Variants in SAMD3 observed in about 807,000 individuals in gnomAD.
SAMD3 encodes sterile alpha motif domain containing 3, also known as sterile alpha motif domain-containing protein 3.
A neutral mutation model predicts 58.5 loss-of-function variants in SAMD3; 63 were observed. The observed-to-expected ratio is 1.08, with a 90% CI of 0.88 to 1.33. The LOEUF (loss-of-function observed/expected upper bound fraction) is 1.33. Among genes scored for constraint, SAMD3 ranks in the 40% most tolerant of loss-of-function variants. SAMD3 has a pLI of 0.00. For synonymous variants in SAMD3, 220 were observed against 210.3 expected, an observed-to-expected ratio of 1.05 and a Z score of -0.40; for missense variants, 604 against 608.4, an observed-to-expected ratio of 0.99 and a Z score of 0.08.
chr6:130,182,531 A>AAAGG (rs1341747092), intron 7 of SAMD3, among the ~76,000 whole-genome samples: 11 of 151,630 alleles, frequency 7.3e-5, no homozygotes, highest in African/African-American at 2.7e-4. Flanking sequence ...AAGAAGGAAG[A>AAAGG]AAGGAAGGAA....
intron 1 of SAMD3, among the ~76,000 whole-genome samples, chr6:130,323,232 C>A (rs1202302669): frequency 5.9e-5 from 9 of 152,096 alleles, no homozygotes; most frequent in Admixed American, 5.9e-4. Context: ...TTGCAAAAAC[C>A]AGGCTCCCTG....
At chr6:130,272,157 T>C (rs1774588751) in intron 2 of SAMD3, among the ~76,000 whole-genome samples, 1 of 152,222 alleles carries the variant, frequency 6.6e-6, no homozygotes, top group Non-Finnish European at 1.5e-5. Context: ...TAAGTTATTT[T>C]TGTGAAAAGA....
At chr6:130,279,298 C>T (rs138155473) in intron 2 of SAMD3, among the ~76,000 whole-genome samples, 146 of 151,914 alleles carry the variant, frequency 9.6e-4, no homozygotes, top group African/African-American at 3.2e-3. Context: ...ATCATGGGGG[C>T]GGTTTTCCCC....
At chr6:130,315,646 TAA>T (rs1776337487) in intron 1 of SAMD3, among the ~76,000 whole-genome samples, 2 of 152,218 alleles carry the variant, frequency 1.3e-5, no homozygotes, top group African/African-American at 2.4e-5. Flanking sequence ...TTCACCTGCC[TAA>T]GTTATTCAGG....
At position 130,169,198 on chromosome 6, in the gene SAMD3, T is replaced by C. The variant is rs142748579; in HGVS notation, c.822+6643A>G. The stretch of plus-strand genomic sequence containing the variant: ...TAATGTTGGTAATCACTCTGAAAAA[T>C]AAAATTATATGAGATAAATTCAAAT... On this transcript the variant is annotated intron_variant, in intron 8 of 11. Transcript: ENST00000439090. 2.9e-3 allele frequency among the ~76,000 whole-genome samples: 444 copies of C among 152,034 alleles called. 2 individuals are homozygous for C. The highest frequency in any genetic ancestry group is 0.01 in the African/African-American group (425 of 41,446).
intron 8 of SAMD3, among the ~76,000 whole-genome samples, chr6:130,159,238 T>G (rs560828174): frequency 3.2e-4 from 49 of 152,264 alleles, no homozygotes; most frequent in African/African-American, 1.2e-3. Context: ...AAACGGGAGT[T>G]TCTCTGCACA....
In SAMD3 at chr6:130,157,193, CTAAT is replaced by C. The variant is rs1214978887; in HGVS notation, c.823-2172_823-2169del. Among the ~76,000 whole-genome samples the C allele has an allele frequency of 4.6e-5, 7 of 151,670 alleles. No individual in the cohort carries two copies. The East Asian group carries it at 7.7e-4, about 17-fold the overall frequency. The stretch of plus-strand genomic sequence containing the variant: ...AAACGTCATATACTGCATTAATTAA[CTAAT>C]TAAAGATGAAAAAACATGACCATTT... On this transcript the variant is annotated intron_variant, in intron 8 of 11. Coordinates refer to ENST00000439090, the MANE Select transcript of SAMD3 (RefSeq NM_001017373.4).
At chr6:130,332,878 T>C (rs901635328) in intron 1 of SAMD3, among the ~76,000 whole-genome samples, 1 of 152,146 alleles carries the variant, frequency 6.6e-6, no homozygotes. Flanking sequence ...CTGGAGGAGA[T>C]ACGATCCAGA....
intron 5 of SAMD3, among the ~76,000 whole-genome samples, chr6:130,185,509 A>C (rs994795279): frequency 2.0e-5 from 3 of 149,168 alleles, no homozygotes; most frequent in Non-Finnish European, 4.4e-5. Flanking sequence ...TTTGTATTTT[A>C]GTAGAGATGG....
At chr6:130,340,971 T>G (rs914855629) in intron 1 of SAMD3, among the ~76,000 whole-genome samples, 2 of 152,212 alleles carry the variant, frequency 1.3e-5, no homozygotes, top group Admixed American at 6.5e-5. Context: ...TGAGTGAAAT[T>G]TGTCTGGATG....
intron 8 of SAMD3, among the ~76,000 whole-genome samples, chr6:130,157,075 AT>A (rs1789851161): frequency 4.0e-4 from 4 of 10,066 alleles, no homozygotes; most frequent in African/African-American, 1.1e-3. Flanking sequence ...GTCTCAAAAA[AT>A]AAATAAATAA....
chr6:130,242,649 G>A (rs1330454796), intron 2 of SAMD3, among the ~76,000 whole-genome samples: 1 of 152,212 alleles, frequency 6.6e-6, no homozygotes, highest in African/African-American at 2.4e-5. Context: ...GGGAAGAACA[G>A]GCTCCAAGCT....
intron 2 of SAMD3, among the ~76,000 whole-genome samples, chr6:130,254,855 G>A (rs997527985): frequency 2.0e-5 from 3 of 152,008 alleles, no homozygotes; most frequent in Non-Finnish European, 2.9e-5. Flanking sequence ...TTAAATGTTT[G>A]GTAGAATTGG....
At chr6:130,265,399 T>C (rs1383743423) in intron 2 of SAMD3, among the ~76,000 whole-genome samples, 3 of 152,304 alleles carry the variant, frequency 2.0e-5, no homozygotes, top group African/African-American at 7.2e-5. Flanking sequence ...GACTGGTCCA[T>C]GCACGGCCGA....
chr6:130,222,567 CTGTT>C (rs1369300448), intron 1 of SAMD3, 123 bp downstream of exon 1: 2 of 152,164 alleles, frequency 1.3e-5, no homozygotes, highest in African/African-American at 2.4e-5. Flanking sequence ...GTGGCAATCT[CTGTT>C]TGGAGGAATT....
chr6:130,245,675 G>A (rs968240913), intron 2 of SAMD3, among the ~76,000 whole-genome samples: 1 of 152,184 alleles, frequency 6.6e-6, no homozygotes, highest in African/African-American at 2.4e-5. Flanking sequence ...CTTTGGAGCA[G>A]AACCATGTAT....
chr6:130,262,309 G>GA (rs34618374), intron 2 of SAMD3, among the ~76,000 whole-genome samples: 43 of 147,172 alleles, frequency 2.9e-4, no homozygotes, highest in South Asian at 6.4e-4. Context: ...AAAAAAGTAA[G>GA]AAAAAAAAAA....
intron 2 of SAMD3, among the ~76,000 whole-genome samples, chr6:130,258,296 G>C (rs1334317530): frequency 6.6e-6 from 1 of 152,042 alleles, no homozygotes; most frequent in Non-Finnish European, 1.5e-5. Flanking sequence ...GTTTCTTGTA[G>C]AGAGCACATG....
At chr6:130,301,690 T>C (rs1775754246) in intron 2 of SAMD3, among the ~76,000 whole-genome samples, 1 of 152,084 alleles carries the variant, frequency 6.6e-6, no homozygotes, top group South Asian at 2.1e-4. Flanking sequence ...CTATACCATA[T>C]GGCTATGGTA....
Sources: allele counts gnomAD v4.1 joint callset (sites outside exome capture counted in the v4.1 genomes callset), GRCh38; gene constraint gnomAD v4.1.1; transcripts MANE v1.5; gene names NCBI Gene and HGNC (gene_info 2026-07-23, HGNC 2026-07-21).